The following CPO variants were observed in gnomAD, a reference collection of about 807,000 sequenced individuals.
CPO encodes metallocarboxypeptidase C.
In CPO, 43 loss-of-function variants were observed where a neutral mutation model predicts 41.2. The observed-to-expected ratio is 1.04, with a 90% CI of 0.82 to 1.35. The LOEUF (loss-of-function observed/expected upper bound fraction) is 1.35. Ranked by LOEUF, CPO falls within the 40% of genes most tolerant of loss-of-function variation. The probability of loss-of-function intolerance (pLI) is 0.00; values close to 1 mark genes in which losing one functional copy is unlikely to be tolerated. For synonymous variants in CPO, 178 were observed against 162.7 expected, an observed-to-expected ratio of 1.09 and a Z score of -0.72; for missense variants, 408 against 451.7, an observed-to-expected ratio of 0.90 and a Z score of 0.88.
chr2:206,966,098 A>G (rs990815916), intron 7 of CPO, among the ~76,000 whole-genome samples: 2 of 152,186 alleles, frequency 1.3e-5, no homozygotes, highest in Non-Finnish European at 2.9e-5. Context: ...AAGTTATTTT[A>G]TCAACAAAGA....
chr2:206,940,725 A>G (rs1245355931), intron 1 of CPO, among the ~76,000 whole-genome samples: 1 of 152,016 alleles, frequency 6.6e-6, no homozygotes, highest in East Asian at 1.9e-4. Flanking sequence ...CTCATGAAGT[A>G]TATGTGGTTA....
At chr2:206,950,023 T>C (rs1693221286) in intron 2 of CPO, among the ~76,000 whole-genome samples, 2 of 152,204 alleles carry the variant, frequency 1.3e-5, no homozygotes, top group Admixed American at 1.3e-4. Context: ...GTTTGTCAAG[T>C]TCTTAGCAAG....
At chr2:206,959,497 C>T (rs376457804) in intron 4 of CPO, 134 bp from the exon 5 acceptor site, 48 of 589,594 alleles carry the variant, frequency 8.1e-5, no homozygotes, top group South Asian at 5.3e-4. Flanking sequence ...TAATAAGACA[C>T]GGAGGAGGGC....
At chr2:206,950,250 A>T (rs1693226275) in intron 2 of CPO, among the ~76,000 whole-genome samples, 1 of 152,220 alleles carries the variant, frequency 6.6e-6, no homozygotes, top group African/African-American at 2.4e-5. Context: ...TACAAGAAAA[A>T]ACAAACAACC....
Position 206,965,895 on chromosome 2 carries a change from G to A in CPO, c.778-2368G>A, listed in dbSNP as rs559340063. Among the ~76,000 whole-genome samples the A allele has an allele frequency of 2.0e-4, 31 of 152,294 alleles. No individual in the cohort carries two copies. In the South Asian group the frequency reaches 5.8e-3, roughly 29 times the overall value. Reference sequence around the variant, plus strand: ...TTGCAATGTAGTGTCGAAGGAGAGAGAAGTACAATCAGGAGTTCCACCTCC... The same window carrying A: ...TTGCAATGTAGTGTCGAAGGAGAGAAAAGTACAATCAGGAGTTCCACCTCC... On this transcript the variant is annotated intron_variant, in intron 7 of 8. Transcript: ENST00000272852.
chr2:206,948,379 A>G (rs1693186006), intron 1 of CPO, among the ~76,000 whole-genome samples: 1 of 152,232 alleles, frequency 6.6e-6, no homozygotes, highest in African/African-American at 2.4e-5. Flanking sequence ...TGAAAAGACA[A>G]AACTATGGAG....
intron 7 of CPO, among the ~76,000 whole-genome samples, chr2:206,965,433 A>C (rs1304991437): frequency 6.6e-6 from 1 of 152,202 alleles, no homozygotes; most frequent in Non-Finnish European, 1.5e-5. Context: ...ACAAAAACCA[A>C]AAGTTTATAG....
chr2:206,943,735 TAGATAGATAGATAGATA>T (rs1693082717), intron 1 of CPO, among the ~76,000 whole-genome samples: 1 of 81,548 alleles, frequency 1.2e-5, no homozygotes. Flanking sequence ...AGATGATAGA[TAGATAGATAGATAGATA>T]GATAGATAGA....
intron 4 of CPO, among the ~76,000 whole-genome samples, chr2:206,958,728 GT>G (rs752377148): frequency 0.082 from 4,349 of 53,246 alleles, 129 homozygotes; most frequent in East Asian, 0.16. Context: ...AAATTTTCTA[GT>G]TTTTTTTTTT....
intron 1 of CPO, 81 bp from the exon 2 acceptor site, chr2:206,949,536 C>A: frequency 1.0e-6 from 1 of 961,986 alleles, no homozygotes; most frequent in Non-Finnish European, 1.7e-6. Context: ...ACTGATTCTA[C>A]TACCTTTTTC....
chr2:206,944,880 T>A lies in CPO; in HGVS notation c.69-4737T>A, dbSNP rs147409643. ...GGACTTACATAGATATGACTGGAAC[T>A]TGCATTTTAATTAATTCTATCAAAA... On this transcript the variant is annotated intron_variant, in intron 1 of 8. Coordinates refer to ENST00000272852, the MANE Select transcript of CPO (RefSeq NM_173077.3). Among the ~76,000 whole-genome samples, 163 of 152,212 alleles carry A rather than the reference T, an allele frequency of 1.1e-3. 1 individual carries two copies. Among genetic ancestry groups the A allele is most frequent in the African/African-American group, 3.7e-3 (154 of 41,584 alleles).
chr2:206,943,997 G>GT (rs1693094635), intron 1 of CPO, among the ~76,000 whole-genome samples: 1 of 151,982 alleles, frequency 6.6e-6, no homozygotes, highest in Non-Finnish European at 1.5e-5. Context: ...TAATGACAAA[G>GT]TTTTTTTGCT....
At chr2:206,962,352 C>A in intron 6 of CPO, 60 bp from the exon 7 acceptor site, 1 of 1,473,552 alleles carries the variant, frequency 6.8e-7, no homozygotes, top group Non-Finnish European at 9.5e-7. Flanking sequence ...GACTCCTTGC[C>A]ATTGGTCATT....
At chr2:206,957,724 G>T (rs1693396587) in intron 3 of CPO, among the ~76,000 whole-genome samples, 3 of 152,176 alleles carry the variant, frequency 2.0e-5, no homozygotes, top group Admixed American at 2.0e-4. Context: ...CTTCCTTAGA[G>T]TGAGGCTGCA....
intron 1 of CPO, among the ~76,000 whole-genome samples, chr2:206,948,155 C>A (rs1388803991): frequency 6.6e-6 from 1 of 152,174 alleles, no homozygotes; most frequent in East Asian, 1.9e-4. Flanking sequence ...TCATAACTGC[C>A]ATATCTTGGA....
chr2:206,966,833 G>A (rs543111165), intron 7 of CPO, among the ~76,000 whole-genome samples: 11 of 152,234 alleles, frequency 7.2e-5, no homozygotes, highest in South Asian at 2.1e-4. Context: ...GCCCACAACC[G>A]TCCAGTATGA....
intron 1 of CPO, among the ~76,000 whole-genome samples, chr2:206,941,676 TA>T (rs1274297635): frequency 6.6e-6 from 1 of 152,126 alleles, no homozygotes; most frequent in Non-Finnish European, 1.5e-5. Context: ...GTTATTGATA[TA>T]AAAAATAATG....
rs1693380794 is a variant in CPO, at chr2:206,957,024, TAAAG to T, written c.268-1275_268-1272del. 2.0e-5 allele frequency among the ~76,000 whole-genome samples: 3 copies of T among 152,224 alleles called. No homozygotes were observed. In the South Asian group the frequency reaches 6.2e-4, roughly 32 times the overall value. ...GAACATAATAAAGAGTTGCACATAA[TAAAG>T]AGTTGATAAAGATAAACATGTAACT... On this transcript the variant is annotated intron_variant, in intron 3 of 8. Coordinates refer to ENST00000272852, the MANE Select transcript of CPO (RefSeq NM_173077.3).
chr2:206,944,652 C>G (rs1693108954), intron 1 of CPO, among the ~76,000 whole-genome samples: 1 of 152,008 alleles, frequency 6.6e-6, no homozygotes, highest in Admixed American at 6.6e-5. Flanking sequence ...ATAGGGCAAA[C>G]TTCATTGAAC....
Sources: gnomAD v4.1 joint callset for allele counts (sites outside exome capture counted in the v4.1 genomes callset) on GRCh38, gnomAD v4.1.1 for gene constraint, MANE v1.5 for transcripts, NCBI Gene and HGNC (gene_info 2026-07-23, HGNC 2026-07-21) for gene names.